The following IGFN1 variants were observed in gnomAD, a reference collection of about 807,000 sequenced individuals.
The protein encoded by IGFN1 is immunoglobulin-like and fibronectin type III domain-containing protein 1.
IGFN1 carries 253 observed loss-of-function variants against 289.5 expected under a neutral mutation model. The observed-to-expected ratio is 0.87, with a 90% CI of 0.79 to 0.97. The LOEUF (loss-of-function observed/expected upper bound fraction) is 0.97. IGFN1 is among the 50% of genes least tolerant of loss of function. The probability of loss-of-function intolerance (pLI) is 0.00; values close to 1 mark genes in which losing one functional copy is unlikely to be tolerated. For synonymous variants in IGFN1, 1,706 were observed against 1,788.5 expected, an observed-to-expected ratio of 0.95 and a Z score of 1.16; for missense variants, 4,470 against 4,686.1, an observed-to-expected ratio of 0.95 and a Z score of 1.35.
At chr1:201,194,095 G>T in intron 2 of IGFN1, 59 bp from the exon 3 acceptor site, 1 of 1,538,208 alleles carries the variant, frequency 6.5e-7, no homozygotes. Context: ...TTCTGTTGAA[G>T]GGCCACCCAG....
rs764657564 is a variant in IGFN1, at chr1:201,221,786, G to T, written c.10201+40G>T. 27 of 1,524,630 alleles carry T rather than the reference G, an allele frequency of 1.8e-5. No individual in the cohort carries two copies. In the Admixed American group the frequency reaches 2.0e-4, roughly 12 times the overall value. 94.4% of individuals were successfully genotyped at this position (1,524,630 alleles called of 1,614,324 possible). A position where few individuals can be genotyped will look rare whatever the true frequency, so the allele number is the denominator to read the frequency against. On this transcript the variant is annotated intron_variant, in intron 19 of 23. Transcript: ENST00000335211. ...CTTCCCCGACCCCTGAGCCCTGCAGGCCTCTCCTAAGAGGGGGCCCCTGAG... is the reference window on the plus strand; with the variant it reads ...CTTCCCCGACCCCTGAGCCCTGCAGTCCTCTCCTAAGAGGGGGCCCCTGAG...
intron 11 of IGFN1, among the ~76,000 whole-genome samples, chr1:201,205,568 G>A (rs1667377153): frequency 6.6e-6 from 1 of 152,150 alleles, no homozygotes; most frequent in African/African-American, 2.4e-5. Flanking sequence ...AATTACTTTG[G>A]GGCACAGATG....
chr1:201,214,634 C>T (rs1653076505), intron 13 of IGFN1, among the ~76,000 whole-genome samples: 1 of 152,116 alleles, frequency 6.6e-6, no homozygotes, highest in Non-Finnish European at 1.5e-5. Context: ...GGGCCCTCGT[C>T]TCCCTGCACA....
At chr1:201,194,084 A>C (rs1170147774) in intron 2 of IGFN1, 70 bp from the exon 3 acceptor site, 7 of 1,524,784 alleles carry the variant, frequency 4.6e-6, no homozygotes, top group Non-Finnish European at 5.3e-6. Flanking sequence ...GTGGATGCCC[A>C]TTCTGTTGAA....
rs374776280 is a variant in IGFN1, at chr1:201,227,655, CCT to C, written c.11113+448_11113+449del. On this transcript the variant is annotated intron_variant, in intron 23 of 23. Transcript: ENST00000335211. Reference sequence around the variant, plus strand: ...ATATTGGCCAGACTGGTCTCAAACTCCTGACCTCAGGTGATCCACCCGCCTCG... The same window carrying C: ...ATATTGGCCAGACTGGTCTCAAACTCGACCTCAGGTGATCCACCCGCCTCG... 2.8e-4 allele frequency among the ~76,000 whole-genome samples: 42 copies of C among 152,122 alleles called. 1 individual carries two copies. The South Asian group carries it at 8.7e-3, about 32-fold the overall frequency.
At chr1:201,222,965 T>C (rs1653833045) in intron 20 of IGFN1, 138 bp downstream of exon 20, 2 of 548,620 alleles carry the variant, frequency 3.6e-6, no homozygotes, top group African/African-American at 1.9e-5. Flanking sequence ...ACTGGGCTTG[T>C]GGAAATCAGG....
rs150856888 is a variant in IGFN1 at position 201,215,038 on chromosome 1, T to G, written c.8879T>G (p.Phe2960Cys). 9.9e-4 allele frequency: 1,603 copies of G among 1,614,060 alleles called. 11 individuals carry two copies. Among genetic ancestry groups the G allele is most frequent in the Non-Finnish European group, 1.8e-4 (208 of 1,179,994 alleles). ...CTCACCACCCAGGATGGAGTCATCT[T>G]TAAGCAAGACGGTCTCGTGCACAGC... ...VKLTTQDGVI[F>C]KQDGLVHSLF... is the part of the protein sequence containing the mutation. The change falls in exon 14 of 24, where the codon TTT (phenylalanine) becomes TGT (cysteine). Residue 2960 changes from phenylalanine (F) to cysteine (C), a missense_variant. Around this residue, in one of 8 missense-constraint regions of IGFN1, gnomAD observed 2,218 missense variants for 2,114.1 expected, o/e 1.05. Coordinates refer to ENST00000335211, the MANE Select transcript of IGFN1 (RefSeq NM_001164586.2).
At chr1:201,226,774 C>A in intron 22 of IGFN1, 108 bp from the exon 23 acceptor site, 1 of 830,822 alleles carries the variant, frequency 1.2e-6, no homozygotes, top group South Asian at 1.9e-5. Context: ...CAGGAAATCC[C>A]AGATAAGGCC....
Position 201,212,334 on chromosome 1 carries a change from G to T in IGFN1, c.7441G>T (p.Ala2481Ser), listed in dbSNP as rs1667859106. The T allele has an allele frequency of 2.0e-6, 3 of 1,536,728 alleles. No homozygotes were observed. Among genetic ancestry groups the T allele is most frequent in the Non-Finnish European group, 2.6e-6 (3 of 1,146,798 alleles). Residue 2481 changes from alanine (A) to serine (S), a missense_variant, in exon 12 of 24, where the codon GCT becomes TCT. Ala to Ser is a moderately conservative substitution (Grantham distance 99). This residue lies in a region of IGFN1 where 2,218 missense variants were observed against 2,114.1 expected (regional missense o/e 1.05). Coordinates refer to ENST00000335211, the MANE Select transcript of IGFN1 (RefSeq NM_001164586.2). ...GTSGIPEASE[A>S]AGAKGKPDVK... ...TTCAGGGATCCCTGAGGCCTCGGAG[G>T]CTGCTGGTGCCAAGGGAAAACCAGA...
At position 201,208,921 on chromosome 1, in the gene IGFN1, G is replaced by C; in HGVS notation, c.4028G>C (p.Arg1343Thr). Residue 1343 changes from arginine to threonine, a missense_variant, in exon 12 of 24, where the codon AGG (arginine) becomes ACG (threonine). Arg to Thr is a moderately conservative substitution (Grantham distance 71). Around this residue, in one of 8 missense-constraint regions of IGFN1, gnomAD observed 2,011 missense variants for 1,953.4 expected, o/e 1.03. Coordinates refer to ENST00000335211, the MANE Select transcript of IGFN1 (RefSeq NM_001164586.2). ...AGTTCAGGGAGCAAGGCAGATTATA[G>C]GGGTGGTTTACAGGATTCCAGGGAA... is the stretch of plus-strand genomic sequence containing the variant. ...GISSGSKADY[R>T]GGLQDSREAG... is the part of the protein sequence containing the mutation. 6.5e-7 allele frequency: 1 copy of C among 1,536,508 alleles called. No individual in the cohort carries two copies. The highest frequency in any genetic ancestry group is 1.2e-5 in the South Asian group (1 of 84,026).
Position 201,209,176 on chromosome 1 carries a change from T to C in IGFN1, c.4283T>C (p.Leu1428Ser). 3 of 1,506,588 alleles carry C rather than the reference T, an allele frequency of 2.0e-6. No individual in the cohort carries two copies. The highest frequency in any genetic ancestry group is 2.6e-6 in the Non-Finnish European group (3 of 1,134,390). 93.3% of individuals were successfully genotyped at this position (1,506,588 alleles called of 1,614,324 possible). ...GEMGSGYREDLGAPEGMGTGS... is the reference protein window; with the variant it reads ...GEMGSGYREDSGAPEGMGTGS... ...ATGGGGTCAGGTTATAGGGAGGATT[T>C]GGGGGCTCCTGAGGGAATGGGCACA... Residue 1428 changes from leucine to serine, a missense_variant, in exon 12 of 24, where the codon TTG becomes TCG. By Grantham distance (145) the Leu-to-Ser change is moderately radical. This residue lies in a region of IGFN1 where 2,011 missense variants were observed against 1,953.4 expected (regional missense o/e 1.03). Transcript: ENST00000335211.
chr1:201,210,956 G>T lies in IGFN1; in HGVS notation c.6063G>T (p.Gly2021=), dbSNP rs61396495. Residue 2021 remains glycine, a synonymous_variant, in exon 12 of 24, where the codon GGG becomes GGT. Coordinates refer to ENST00000335211, the MANE Select transcript of IGFN1 (RefSeq NM_001164586.2). ...AGGCAGGTTTCAGGGATGGTTTAGG[G>T]GGTTCTGAAGAAATGCGGTCAATGG... ...GSKAGFRDGL[G]GSEEMRSMDE... 425,615 of 1,235,684 alleles carry T rather than the reference G, an allele frequency of 0.34. 71,927 individuals carry two copies. The highest frequency in any genetic ancestry group is 0.36 in the Non-Finnish European group (341,297 of 945,494). The allele number at this position is 1,235,684 out of a possible 1,614,324, so 76.5% of individuals were successfully genotyped here.
chr1:201,221,759 T>C lies in IGFN1; in HGVS notation c.10201+13T>C, dbSNP rs369565364. On this transcript the variant is annotated intron_variant, in intron 19 of 23. Transcript: ENST00000335211. Reference sequence around the variant, plus strand: ...ATGCCTGTTACTGGTGAGTGCTGCCTCCTTCCCCGACCCCTGAGCCCTGCA... The same window carrying C: ...ATGCCTGTTACTGGTGAGTGCTGCCCCCTTCCCCGACCCCTGAGCCCTGCA... 7.0e-6 allele frequency: 11 copies of C among 1,562,676 alleles called. No individual in the cohort carries two copies. Among genetic ancestry groups the C allele is most frequent in the Non-Finnish European group, 9.6e-6 (11 of 1,150,576 alleles).
At chr1:201,193,579 G>C (rs535758741) in intron 2 of IGFN1, among the ~76,000 whole-genome samples, 15 of 152,298 alleles carry the variant, frequency 9.8e-5, no homozygotes, top group African/African-American at 3.6e-4. Context: ...AGCCTCCTGA[G>C]TAGCTAGGAT....
intron 3 of IGFN1, 130 bp downstream of exon 3, chr1:201,194,403 CCCT>C (rs1666798954): frequency 1.0e-6 from 1 of 974,898 alleles, no homozygotes. Context: ...TAGCCCATCT[CCCT>C]CCTATCCTTG....
rs1337721737 is a variant in IGFN1 at position 201,221,489 on chromosome 1, A to G, written c.9944A>G (p.Asn3315Ser). ...AATCTCCAAGTCACAGACAGATCGA[A>G]CACCAGCATCACTCTGAGCTGGGCT... ...VRNLQVTDRS[N>S]TSITLSWAGP... is the part of the protein sequence containing the mutation. Residue 3315 changes from asparagine (N) to serine (S), a missense_variant, in exon 19 of 24, where the codon AAC becomes AGC. By Grantham distance (46) the Asn-to-Ser change is conservative (BLOSUM62 1). This residue lies in a region of IGFN1 where 2,218 missense variants were observed against 2,114.1 expected (regional missense o/e 1.05). Coordinates refer to ENST00000335211, the MANE Select transcript of IGFN1 (RefSeq NM_001164586.2). The G allele has an allele frequency of 1.9e-6, 3 of 1,612,604 alleles. No individual in the cohort carries two copies. The highest frequency in any genetic ancestry group is 2.2e-5 in the South Asian group (2 of 90,612).
At chr1:201,218,729 G>A in intron 18 of IGFN1, 71 bp downstream of exon 18, 1 of 1,481,572 alleles carries the variant, frequency 6.7e-7, no homozygotes, top group Admixed American at 1.8e-5. Context: ...GGTGGGACTT[G>A]ATGGGAGGTC....
At position 201,228,249 on chromosome 1, in the gene IGFN1, G is replaced by T. The variant is rs1190052539; in HGVS notation, c.11114-137G>T. ...GCCCAAGCTTAGAGAGCACGTGGTG[G>T]CTCCAGATTTGAACCCACACCCCCT... On this transcript the variant is annotated intron_variant, in intron 23 of 23. Transcript: ENST00000335211. The T allele has an allele frequency of 5.7e-6, 5 of 874,376 alleles. No homozygotes were observed. The South Asian group carries it at 7.0e-5, about 12-fold the overall frequency. The allele number at this position is 874,376 out of a possible 1,614,324, so 54.2% of individuals were successfully genotyped here. A position where few individuals can be genotyped will look rare whatever the true frequency, so the allele number is the denominator to read the frequency against.
rs779402657 is a variant in IGFN1 at position 201,206,215 on chromosome 1, G to GC, written c.1322_1323insC (p.Arg441SerfsTer6). The GC allele has an allele frequency of 2.8e-5, 44 of 1,547,692 alleles. No homozygotes were observed. In the South Asian group the frequency reaches 4.9e-4, roughly 17 times the overall value. Reference sequence around the variant, plus strand: ...GAGAAATCCAGAGAGCAGGGCCCCAGGGGGGGCTCCCTTGAAGGGGCTGGG... The same window carrying GC: ...GAGAAATCCAGAGAGCAGGGCCCCAGCGGGGGGCTCCCTTGAAGGGGCTGGG... On this transcript the variant is annotated frameshift_variant, in exon 12 of 24. Coordinates refer to ENST00000335211, the MANE Select transcript of IGFN1 (RefSeq NM_001164586.2). LOFTEE classifies it high-confidence loss of function.
Sources: gnomAD v4.1 joint callset for allele counts (sites outside exome capture counted in the v4.1 genomes callset) on GRCh38, gnomAD v4.1.1 for gene constraint, gnomAD v4.1.1 regional missense constraint, MANE v1.5 for transcripts, NCBI Gene and HGNC (gene_info 2026-07-23, HGNC 2026-07-21) for gene names.